Variants in BBS5 observed in about 807,000 individuals in gnomAD.
BBS5 encodes the protein Bardet-Biedl syndrome 5.
Under a neutral mutation model 50.2 loss-of-function variants are expected in BBS5, and 39 were observed. The observed-to-expected ratio is 0.78, with a 90% CI of 0.60 to 1.01. BBS5 has a LOEUF of 1.01. BBS5 is among the 50% of genes least tolerant of loss of function. The pLI is 0.00. For synonymous variants in BBS5, 134 were observed against 133.1 expected (o/e 1.01, Z -0.05); for missense variants, 356 against 401.5 (o/e 0.89, Z 0.97).
intron 8 of BBS5, 139 bp from the exon 9 acceptor site, chr2:169,499,347 T>C: frequency 1.1e-6 from 1 of 916,710 alleles, no homozygotes; most frequent in South Asian, 1.7e-5. Context: ...AAATTTTTCA[T>C]AATAAAAAGT....
At chr2:169,504,355 A>G (rs781407733) in intron 11 of BBS5, 29 bp downstream of exon 11, 2 of 1,609,932 alleles carry the variant, frequency 1.2e-6, no homozygotes, top group African/African-American at 2.7e-5. Context: ...CCTACAGTAT[A>G]TGAAAAAAGT....
At chr2:169,492,306 A>G (rs1683614431) in intron 5 of BBS5, among the ~76,000 whole-genome samples, 1 of 150,936 alleles carries the variant, frequency 6.6e-6, no homozygotes, top group South Asian at 2.1e-4. Flanking sequence ...CCTGGCCAAC[A>G]TGGTGAAACC....
rs2105289933 is a variant in BBS5 at position 169,479,524 on chromosome 2, G to A, written c.-30G>A. The A allele has an allele frequency of 6.2e-7, 1 of 1,613,716 alleles. No homozygotes were observed. The highest frequency in any genetic ancestry group is 8.5e-7 in the Non-Finnish European group (1 of 1,179,632). On this transcript the variant is annotated 5_prime_UTR_variant, in exon 1 of 12. Transcript: ENST00000295240. Reference sequence around the variant, plus strand: ...GACGCAGCTAGGCCTGCACGGCTGTGGAGAGATCCTGCCACGGGCCTTGTT... The same window carrying A: ...GACGCAGCTAGGCCTGCACGGCTGTAGAGAGATCCTGCCACGGGCCTTGTT...
chr2:169,500,621 A>G (rs1574343361), intron 9 of BBS5, among the ~76,000 whole-genome samples: 1 of 152,182 alleles, frequency 6.6e-6, no homozygotes, highest in African/African-American at 2.4e-5. Flanking sequence ...GCCATTACTT[A>G]TATCTCTTCT....
Position 169,487,062 on chromosome 2 carries a change from C to A in BBS5, c.143-7C>A. The A allele has an allele frequency of 6.2e-7, 1 of 1,605,322 alleles. No homozygotes were observed. The highest frequency in any genetic ancestry group is 8.5e-7 in the Non-Finnish European group (1 of 1,172,504). On this transcript the variant is annotated splice_region_variant and splice_polypyrimidine_tract_variant and intron_variant, in intron 2 of 11. Transcript: ENST00000295240. ...AGTTAACCTATTTTTTGTCTGTGTG[C>A]TTTTAGGTAGACTCTTGGTAACAAA...
Position 169,505,410 on chromosome 2 carries a change from C to A in BBS5, c.*828C>A. The A allele has an allele frequency of 2.9e-6, 1 of 340,838 alleles. No homozygotes were observed. Among genetic ancestry groups the A allele is most frequent in the Non-Finnish European group, 5.7e-6 (1 of 176,394 alleles). 21.1% of individuals were successfully genotyped at this position (340,838 alleles called of 1,614,324 possible). On this transcript the variant is annotated 3_prime_UTR_variant, in exon 12 of 12. Transcript: ENST00000295240. ...GGAAGTGAGGAGCGTCTCTGCCTGGCTGCCCATTGTCTGGGACGTGAGCAG... is the reference window on the plus strand; with the variant it reads ...GGAAGTGAGGAGCGTCTCTGCCTGGATGCCCATTGTCTGGGACGTGAGCAG...
intron 7 of BBS5, among the ~76,000 whole-genome samples, chr2:169,494,416 A>G (rs551277523): frequency 3.9e-5 from 6 of 152,318 alleles, no homozygotes; most frequent in South Asian, 2.1e-4. Context: ...CTTAAGTTCA[A>G]TTAAAACTGT....
intron 8 of BBS5, among the ~76,000 whole-genome samples, chr2:169,498,666 G>A (rs538489880): frequency 6.6e-6 from 1 of 151,992 alleles, no homozygotes; most frequent in Non-Finnish European, 1.5e-5. Flanking sequence ...TTAGCCGGGC[G>A]TGGTGGCGGG....
At chr2:169,494,528 G>A (rs1683659529) in intron 7 of BBS5, among the ~76,000 whole-genome samples, 1 of 151,654 alleles carries the variant, frequency 6.6e-6, no homozygotes, top group Non-Finnish European at 1.5e-5. Context: ...ACCAGCATGG[G>A]CGACATAGCT....
intron 7 of BBS5, 142 bp from the exon 8 acceptor site, chr2:169,497,485 G>T (rs1351621687): frequency 3.4e-6 from 2 of 594,918 alleles, no homozygotes; most frequent in Admixed American, 6.0e-5. Flanking sequence ...GATCTCTGTG[G>T]CAGTTTAATG....
chr2:169,503,843 G>A (rs1400604582), intron 10 of BBS5, among the ~76,000 whole-genome samples: 1 of 152,144 alleles, frequency 6.6e-6, no homozygotes, highest in Non-Finnish European at 1.5e-5. Context: ...TGTGAAATTA[G>A]TATAAAATAA....
At chr2:169,479,963 GT>G in intron 1 of BBS5, among the ~76,000 whole-genome samples, 1 of 152,252 alleles carries the variant, frequency 6.6e-6, no homozygotes, top group Non-Finnish European at 1.5e-5. Flanking sequence ...TGGGATTTCA[GT>G]TTCATGGAAG....
rs1376485691 is a variant in BBS5, at chr2:169,492,628, C to G, written c.387-246C>G. On this transcript the variant is annotated intron_variant, in intron 5 of 11. Transcript: ENST00000295240. The stretch of plus-strand genomic sequence containing the variant: ...GTACAGTGGCACATGCCTATAGTCC[C>G]AGCTACTCTGGAAGCTGAGCCAGGA... Among the ~76,000 whole-genome samples, 3 of 152,076 alleles carry G rather than the reference C, an allele frequency of 2.0e-5. No individual in the cohort carries two copies. The East Asian group carries it at 5.8e-4, about 29-fold the overall frequency.
chr2:169,485,563 C>T (rs1008753324), intron 2 of BBS5, among the ~76,000 whole-genome samples: 4 of 152,196 alleles, frequency 2.6e-5, no homozygotes, highest in Admixed American at 6.5e-5. Flanking sequence ...ACTCTACTGC[C>T]TCCATTGCTA....
chr2:169,502,114 G>A (rs931058898), intron 9 of BBS5, among the ~76,000 whole-genome samples: 2 of 152,084 alleles, frequency 1.3e-5, no homozygotes, highest in African/African-American at 2.4e-5. Flanking sequence ...TGAAGTCAGC[G>A]ATTTTTGTCT....
intron 2 of BBS5, among the ~76,000 whole-genome samples, chr2:169,485,115 A>G (rs573120383): frequency 6.6e-6 from 1 of 152,370 alleles, no homozygotes; most frequent in South Asian, 2.1e-4. Flanking sequence ...AGAAAAATAT[A>G]AAAGAATCAA....
chr2:169,483,713 T>C (rs1165863125), intron 2 of BBS5, among the ~76,000 whole-genome samples: 2 of 152,142 alleles, frequency 1.3e-5, no homozygotes, highest in African/African-American at 4.8e-5. Flanking sequence ...TGCCACCACC[T>C]ACAGGCAGAT....
At chr2:169,496,608 G>A (rs1462523624) in intron 7 of BBS5, among the ~76,000 whole-genome samples, 3 of 151,958 alleles carry the variant, frequency 2.0e-5, no homozygotes, top group African/African-American at 7.2e-5. Flanking sequence ...GGTGGCTCAC[G>A]CCTGTAATCC....
rs1351830859 is a variant in BBS5 at position 169,487,151 on chromosome 2, G to C, written c.208+17G>C. 1 of 1,581,328 alleles carries C rather than the reference G, an allele frequency of 6.3e-7. No individual in the cohort carries two copies. Among genetic ancestry groups the C allele is most frequent in the Non-Finnish European group, 8.7e-7 (1 of 1,151,146 alleles). On this transcript the variant is annotated intron_variant, in intron 3 of 11. Coordinates refer to ENST00000295240, the MANE Select transcript of BBS5 (RefSeq NM_152384.3). Reference sequence around the variant, plus strand: ...TCAATGTTTGTAAGTATCTTTGTTAGATAAGTCTGAAGAAAAAAAATCCTT... The same window carrying C: ...TCAATGTTTGTAAGTATCTTTGTTACATAAGTCTGAAGAAAAAAAATCCTT...
Sources: allele counts gnomAD v4.1 joint callset (sites outside exome capture counted in the v4.1 genomes callset), GRCh38; gene constraint gnomAD v4.1.1; transcripts MANE v1.5; gene names NCBI Gene and HGNC (gene_info 2026-07-23, HGNC 2026-07-21).